The following LBHD2 variants were observed in gnomAD, a reference collection of about 807,000 sequenced individuals.
LBHD2 encodes LBH domain-containing protein 2.
chr14:103,087,035 G>A (rs2139446346), intron 2 of LBHD2, among the ~76,000 whole-genome samples: 1 of 152,338 alleles, frequency 6.6e-6, no homozygotes, highest in Admixed American at 6.5e-5. Flanking sequence ...GAGCAGGCTG[G>A]GGGATGAGCC....
chr14:103,088,169 G>T lies in LBHD2; in HGVS notation c.154G>T (p.Val52Leu), dbSNP rs1889660577. 2.5e-6 allele frequency: 1 copy of T among 398,534 alleles called. No individual in the cohort carries two copies. The highest frequency in any genetic ancestry group is 2.1e-5 in the African/African-American group (1 of 48,636). 24.7% of individuals were successfully genotyped at this position (398,534 alleles called of 1,614,324 possible). A position where few individuals can be genotyped will look rare whatever the true frequency, so the allele number is the denominator to read the frequency against. ...GGTGGAGCCCAGCGAGGCGGACCCT[G>T]TGGAAAGTGGGGAGCTGCGCTGGCC... ...IVVEPSEADP[V>L]ESGELRWPLE... The change falls in exon 3 of 4, where the codon GTG (valine) becomes TTG (leucine). Residue 52 changes from valine to leucine, a missense_variant. Physicochemically the swap from Val to Leu is conservative, Grantham distance 32. Coordinates refer to ENST00000634353, the MANE Select transcript of LBHD2 (RefSeq NM_001330236.2).
At chr14:103,085,608 G>A (rs1190360766) in intron 1 of LBHD2, among the ~76,000 whole-genome samples, 5 of 152,214 alleles carry the variant, frequency 3.3e-5, no homozygotes, top group Non-Finnish European at 5.9e-5. Flanking sequence ...TCTCAGGAAC[G>A]TTTAGGTCCC....
Position 103,084,344 on chromosome 14 carries a change from C to G in LBHD2, c.-41C>G, listed in dbSNP as rs890625498. 6.6e-6 allele frequency: 1 copy of G among 152,134 alleles called. No individual in the cohort carries two copies. The highest frequency in any genetic ancestry group is 1.5e-5 in the Non-Finnish European group (1 of 68,050). 9.4% of individuals were successfully genotyped at this position (152,134 alleles called of 1,614,324 possible). On this transcript the variant is annotated 5_prime_UTR_variant, in exon 1 of 4. Transcript: ENST00000634353. ...GCGGGCCCCGGGAGCGCCCTGACGG[C>G]TAGGTGCGGGGTGGTTGGGAGCGGG...
intron 1 of LBHD2, among the ~76,000 whole-genome samples, chr14:103,084,733 CTT>C (rs926301975): frequency 3.9e-5 from 6 of 152,238 alleles, no homozygotes; most frequent in Admixed American, 1.3e-4. Flanking sequence ...CTCTCTCTCT[CTT>C]CTCCTCTGTC....
intron 1 of LBHD2, among the ~76,000 whole-genome samples, chr14:103,085,453 T>C (rs1321822845): frequency 2.1e-5 from 1 of 47,130 alleles, no homozygotes; most frequent in East Asian, 3.4e-4. Context: ...TGCGGCCAAG[T>C]GCAGGGGCAG....
rs1045395830 is a variant in LBHD2 at position 103,089,878 on chromosome 14, C to G, written c.*81C>G. On this transcript the variant is annotated 3_prime_UTR_variant, in exon 4 of 4. Transcript: ENST00000634353. Reference sequence around the variant, plus strand: ...TGGCCGGGCTGATGCACAGGAGGGCCGGGCCTGCCCAGCCTGGAAAGCCCA... The same window carrying G: ...TGGCCGGGCTGATGCACAGGAGGGCGGGGCCTGCCCAGCCTGGAAAGCCCA... 2 of 397,922 alleles carry G rather than the reference C, an allele frequency of 5.0e-6. No individual in the cohort carries two copies. Among genetic ancestry groups the G allele is most frequent in the Non-Finnish European group, 8.9e-6 (2 of 225,886 alleles). The allele number at this position is 397,922 out of a possible 1,614,324, so 24.6% of individuals were successfully genotyped here. A position where few individuals can be genotyped will look rare whatever the true frequency, so the allele number is the denominator to read the frequency against.
chr14:103,087,590 A>G (rs1889652440), intron 2 of LBHD2, among the ~76,000 whole-genome samples: 1 of 152,196 alleles, frequency 6.6e-6, no homozygotes, highest in Admixed American at 6.5e-5. Flanking sequence ...TGGGCACTGA[A>G]CAATGAGCCA....
intron 1 of LBHD2, among the ~76,000 whole-genome samples, chr14:103,084,815 C>T (rs1889613185): frequency 6.6e-6 from 1 of 152,206 alleles, no homozygotes; most frequent in Non-Finnish European, 1.5e-5. Flanking sequence ...GCCTCCTTCC[C>T]AAGGCTGGCT....
chr14:103,084,372 G>A (rs1052177194), intron 1 of LBHD2, 25 bp downstream of exon 1: 3 of 152,336 alleles, frequency 2.0e-5, no homozygotes, highest in African/African-American at 7.2e-5. Flanking sequence ...GGAGCGGGAG[G>A]AGCATGGGGG....
chr14:103,088,671 C>T (rs1464109579), intron 3 of LBHD2, among the ~76,000 whole-genome samples: 1 of 152,208 alleles, frequency 6.6e-6, no homozygotes, highest in African/African-American at 2.4e-5. Context: ...TGTTGGCAGG[C>T]TCCATCCCGC....
chr14:103,087,585 A>G (rs902060978), intron 2 of LBHD2, among the ~76,000 whole-genome samples: 1 of 152,186 alleles, frequency 6.6e-6, no homozygotes, highest in Non-Finnish European at 1.5e-5. Context: ...TCCTGTGGGC[A>G]CTGAACAATG....
chr14:103,088,211 A>T lies in LBHD2; in HGVS notation c.196A>T (p.Arg66Trp). ...ELRWPLESAQRGPSQSRAAAA... is the reference protein window; with the variant it reads ...ELRWPLESAQWGPSQSRAAAA... ...GCGCTGGCCCCTGGAGAGTGCCCAG[A>T]GGGGCCCCTCTCAGAGCCGGGCTGC... Residue 66 changes from arginine to tryptophan, a missense_variant, in exon 3 of 4, where the codon AGG becomes TGG. Coordinates refer to ENST00000634353, the MANE Select transcript of LBHD2 (RefSeq NM_001330236.2). The T allele has an allele frequency of 7.5e-6, 3 of 398,722 alleles. No homozygotes were observed. Among genetic ancestry groups the T allele is most frequent in the Non-Finnish European group, 1.3e-5 (3 of 226,178 alleles). The allele number at this position is 398,722 out of a possible 1,614,324, so 24.7% of individuals were successfully genotyped here. A position where few individuals can be genotyped will look rare whatever the true frequency, so the allele number is the denominator to read the frequency against.
intron 1 of LBHD2, 132 bp from the exon 2 acceptor site, chr14:103,085,844 T>C: frequency 2.5e-6 from 1 of 394,602 alleles, no homozygotes; most frequent in Non-Finnish European, 4.5e-6. Flanking sequence ...AGCAGTGCAA[T>C]ATAGGTCCAG....
At chr14:103,087,808 T>C (rs979362683) in intron 2 of LBHD2, among the ~76,000 whole-genome samples, 4 of 152,126 alleles carry the variant, frequency 2.6e-5, no homozygotes, top group Non-Finnish European at 5.9e-5. Context: ...GGCTGTGCAA[T>C]GGGCTTCTGG....
chr14:103,086,458 G>A (rs1240461983), intron 2 of LBHD2, among the ~76,000 whole-genome samples: 1 of 152,156 alleles, frequency 6.6e-6, no homozygotes, highest in Non-Finnish European at 1.5e-5. Context: ...TGATCCACCT[G>A]CCTTGGCCTC....
chr14:103,088,386 T>A (rs964627643), intron 3 of LBHD2, 145 bp downstream of exon 3: 1 of 397,330 alleles, frequency 2.5e-6, no homozygotes, highest in African/African-American at 2.1e-5. Context: ...CGCCTTGGAG[T>A]CTCTGCCTGA....
chr14:103,086,565 T>C (rs1427542889), intron 2 of LBHD2, among the ~76,000 whole-genome samples: 6 of 152,174 alleles, frequency 3.9e-5, no homozygotes, highest in African/African-American at 1.4e-4. Flanking sequence ...CCAGCATTCC[T>C]GGCTTACTTA....
intron 2 of LBHD2, among the ~76,000 whole-genome samples, chr14:103,086,689 A>G (rs1319591799): frequency 1.3e-5 from 2 of 150,738 alleles, no homozygotes; most frequent in East Asian, 1.9e-4. Context: ...TTGGCAGGGG[A>G]TGGGGAGGTG....
At chr14:103,086,490 C>T (rs1889634446) in intron 2 of LBHD2, among the ~76,000 whole-genome samples, 1 of 152,126 alleles carries the variant, frequency 6.6e-6, no homozygotes, top group Non-Finnish European at 1.5e-5. Context: ...GGATTACAGG[C>T]GTGAGCCACT....
Sources: gnomAD v4.1 joint callset for allele counts (sites outside exome capture counted in the v4.1 genomes callset) on GRCh38, gnomAD v4.1.1 for gene constraint, MANE v1.5 for transcripts, NCBI Gene and HGNC (gene_info 2026-07-23, HGNC 2026-07-21) for gene names.